Variants in MEST observed in about 807,000 individuals in gnomAD.
MEST encodes mesoderm-specific transcript homolog protein.
A neutral mutation model predicts 50.9 loss-of-function variants in MEST; 18 were observed. The observed-to-expected ratio is 0.35, with a 90% CI of 0.24 to 0.52. MEST has a LOEUF of 0.52. Ranked by LOEUF, MEST falls within the 20% of genes least tolerant of loss-of-function variation. The pLI, the probability that MEST is intolerant of heterozygous loss-of-function variation, is 0.94. For synonymous variants in MEST, 130 were observed against 154.1 expected, an observed-to-expected ratio of 0.84 and a Z score of 1.16; for missense variants, 282 against 425.3, an observed-to-expected ratio of 0.66 and a Z score of 2.96.
chr7:130,503,925 T>G lies in MEST; in HGVS notation c.827-8T>G. ...TGTTAAGTATTTCATTCCTTTTCTC[T>G]TTTCTAGTTCATTTTATCTATGGGC... On this transcript the variant is annotated splice_polypyrimidine_tract_variant and splice_region_variant and intron_variant, in intron 10 of 11. Transcript: ENST00000223215. 1 of 1,609,778 alleles carries G rather than the reference T, an allele frequency of 6.2e-7. No homozygotes were observed. The highest frequency in any genetic ancestry group is 2.2e-5 in the East Asian group (1 of 44,844).
At chr7:130,491,193 T>G (rs1798796109), upstream of MEST, 1 of 152,282 alleles carries the variant, frequency 6.6e-6, no homozygotes, top group South Asian at 2.1e-4. This position sits in a 1 kb window ranked among gnomAD's most constrained non-coding sequence, Gnocchi z 6.8. Flanking sequence ...ATTAGAAAAA[T>G]TCCTCCCTCT....
intron 10 of MEST, 120 bp downstream of exon 10, chr7:130,502,840 A>C: frequency 2.9e-6 from 2 of 684,394 alleles, no homozygotes; most frequent in Non-Finnish European, 2.5e-6. Context: ...TACCCAGTTA[A>C]ATTTGAATTT....
upstream of MEST, chr7:130,488,045 G>A (rs1798676900): frequency 6.6e-6 from 1 of 152,196 alleles, no homozygotes. Flanking sequence ...GTTGTACCAA[G>A]GGTTCTGGGC....
intron 11 of MEST, among the ~76,000 whole-genome samples, 195 bp downstream of exon 11, chr7:130,504,191 C>T (rs1323773823): frequency 2.6e-5 from 4 of 152,206 alleles, no homozygotes; most frequent in East Asian, 3.8e-4. Context: ...TTCAGTTATA[C>T]GTTCTCTTGA....
At chr7:130,495,599 T>C in intron 2 of MEST, 77 bp downstream of exon 2, 1 of 1,445,476 alleles carries the variant, frequency 6.9e-7, no homozygotes. Context: ...TTGTGGCTAT[T>C]GGTCTCTTGT....
At chr7:130,494,885 G>T (rs1022602152) in intron 1 of MEST, 1 of 965,208 alleles carries the variant, frequency 1.0e-6, no homozygotes, top group South Asian at 4.8e-5. Context: ...TAAAACATGA[G>T]ATATAGCACA....
intron 10 of MEST, among the ~76,000 whole-genome samples, 167 bp from the exon 11 acceptor site, chr7:130,503,766 T>C (rs561558324): frequency 8.1e-4 from 124 of 152,278 alleles, no homozygotes; most frequent in African/African-American, 2.9e-3. Flanking sequence ...CAGTGAGCTA[T>C]GACTGCACCA....
chr7:130,498,551 T>C, intron 6 of MEST, 74 bp downstream of exon 6: 1 of 1,297,594 alleles, frequency 7.7e-7, no homozygotes, highest in Non-Finnish European at 1.1e-6. Flanking sequence ...GGCACCTAAA[T>C]GGTAATCTGA....
At position 130,497,413 on chromosome 7, in the gene MEST, C is replaced by T; in HGVS notation, c.261+178C>T. ...CTCTACTAAAAGTATAAAAATTGGC[C>T]AGGCATGGTGGCACAAGCCTGTAAT... On this transcript the variant is annotated intron_variant, in intron 3 of 11. Transcript: ENST00000223215. This position sits in a 1 kb window ranked among gnomAD's most constrained non-coding sequence, Gnocchi z 4.0. The T allele has an allele frequency of 2.4e-6, 1 of 422,894 alleles. No homozygotes were observed. Among genetic ancestry groups the T allele is most frequent in the South Asian group, 3.2e-5 (1 of 31,174 alleles). The allele number at this position is 422,894 out of a possible 1,614,324, so 26.2% of individuals were successfully genotyped here.
intron 1 of MEST, among the ~76,000 whole-genome samples, chr7:130,494,146 A>T (rs1453953209): frequency 6.6e-6 from 1 of 152,222 alleles, no homozygotes; most frequent in Non-Finnish European, 1.5e-5. Flanking sequence ...TTTAGCAAAA[A>T]GTATCAGGGA....
At position 130,495,464 on chromosome 7, in the gene MEST, C is replaced by T; in HGVS notation, c.123C>T (p.His41=). 6.2e-7 allele frequency: 1 copy of T among 1,614,098 alleles called. No homozygotes were observed. The highest frequency in any genetic ancestry group is 8.5e-7 in the Non-Finnish European group (1 of 1,179,986). The stretch of plus-strand genomic sequence containing the variant: ...CCCCTCAGCTCTCCCCTGCCCTTCA[C>T]TCATGGAAGTCTTCAGGCAAGTTTT... ...IPPPQLSPAL[H]SWKSSGKFFT... is the part of the protein sequence containing the mutation. Residue 41 remains histidine (H), a synonymous_variant, in exon 2 of 12, where the codon CAC becomes CAT. Coordinates refer to ENST00000223215, the MANE Select transcript of MEST (RefSeq NM_002402.4).
chr7:130,504,897 C>T (rs782157959), intron 11 of MEST, 42 bp from the exon 12 acceptor site: 1 of 1,519,302 alleles, frequency 6.6e-7, no homozygotes, highest in South Asian at 1.1e-5. Flanking sequence ...ATCCCTCCCG[C>T]TCCAGCCTCA....
intron 11 of MEST, among the ~76,000 whole-genome samples, 162 bp downstream of exon 11, chr7:130,504,158 A>G (rs781852473): frequency 6.6e-6 from 1 of 152,264 alleles, no homozygotes; most frequent in Non-Finnish European, 1.5e-5. Context: ...ATCTTATTCT[A>G]ACATAATTGT....
chr7:130,501,631 G>A (rs879982788), intron 9 of MEST, among the ~76,000 whole-genome samples: 2 of 152,174 alleles, frequency 1.3e-5, no homozygotes, highest in Non-Finnish European at 2.9e-5. Flanking sequence ...GGTGTCTTAC[G>A]CTGGAGAAAG....
Position 130,492,359 on chromosome 7 carries a change from G to T in MEST, c.26+20G>T. ...CCGCAGGTGAGTGTGCGGTGGGAAC[G>T]AGGGGGTGTGGCTGGCGGCCCTGGG... On this transcript the variant is annotated intron_variant, in intron 1 of 11. Transcript: ENST00000223215. The surrounding 1 kb of genome is among the most constrained non-coding windows in gnomAD (Gnocchi z 7.6). The T allele has an allele frequency of 7.6e-7, 1 of 1,307,460 alleles. No homozygotes were observed. The highest frequency in any genetic ancestry group is 9.8e-7 in the Non-Finnish European group (1 of 1,022,546). The allele number at this position is 1,307,460 out of a possible 1,614,324, so 81.0% of individuals were successfully genotyped here.
intron 5 of MEST, 57 bp downstream of exon 5, chr7:130,498,332 C>T (rs1554437699): frequency 1.2e-6 from 2 of 1,610,626 alleles, no homozygotes; most frequent in Non-Finnish European, 1.7e-6. Flanking sequence ...TGTTTCTGGA[C>T]TGTTTGTATC....
chr7:130,504,877 A>C, intron 11 of MEST, 62 bp from the exon 12 acceptor site: 1 of 1,293,768 alleles, frequency 7.7e-7, no homozygotes, highest in Non-Finnish European at 1.1e-6. Context: ...GGGGCTTCCC[A>C]CTGGCTTACA....
rs1563019635 is a variant in MEST at position 130,492,961 on chromosome 7, A to AT, written c.26+623dup. ...TAGGCCCCAGCATCGCCCTGGTGCG[A>AT]TGTAGGATTTTTAGAACCCCGGTGT... On this transcript the variant is annotated intron_variant, in intron 1 of 11. Coordinates refer to ENST00000223215, the MANE Select transcript of MEST (RefSeq NM_002402.4). This position sits in a 1 kb window ranked among gnomAD's most constrained non-coding sequence, Gnocchi z 7.6. 6.6e-6 allele frequency among the ~76,000 whole-genome samples: 1 copy of AT among 151,944 alleles called. No individual in the cohort carries two copies. Among genetic ancestry groups the AT allele is most frequent in the Non-Finnish European group, 1.5e-5 (1 of 67,996 alleles).
Position 130,500,734 on chromosome 7 carries a change from T to C in MEST, c.648-55T>C. ...CATGGCCTCTGAGGTTCCAGCCATATTGAACATTCTGAGTTCTCCTCACAC... is the reference window on the plus strand; with the variant it reads ...CATGGCCTCTGAGGTTCCAGCCATACTGAACATTCTGAGTTCTCCTCACAC... On this transcript the variant is annotated intron_variant, in intron 8 of 11. Coordinates refer to ENST00000223215, the MANE Select transcript of MEST (RefSeq NM_002402.4). The surrounding 1 kb of genome is among the most constrained non-coding windows in gnomAD (Gnocchi z 5.0). 2.7e-6 allele frequency: 4 copies of C among 1,473,020 alleles called. No individual in the cohort carries two copies. Among genetic ancestry groups the C allele is most frequent in the East Asian group, 2.3e-5 (1 of 43,928 alleles). 91.2% of individuals were successfully genotyped at this position (1,473,020 alleles called of 1,614,324 possible).
Sources: allele counts gnomAD v4.1 joint callset (sites outside exome capture counted in the v4.1 genomes callset), GRCh38; gene constraint gnomAD v4.1.1; non-coding constraint Gnocchi (gnomAD v3.1); transcripts MANE v1.5; gene names NCBI Gene and HGNC (gene_info 2026-07-23, HGNC 2026-07-21).